The following PBX1 variants were observed in gnomAD, a reference collection of about 807,000 sequenced individuals.
PBX1 encodes PBX homeobox 1.
In PBX1, 6 loss-of-function variants were observed where a neutral mutation model predicts 53.4. The ratio of observed to expected loss-of-function variants is 0.11; its 90% confidence interval spans 0.06 to 0.22. PBX1 has a LOEUF of 0.22. PBX1 is among the 10% of genes least tolerant of loss of function. The pLI is 1.00. For synonymous variants in PBX1, 204 were observed against 212.3 expected (o/e 0.96, Z 0.34); for missense variants, 251 against 551.4 (o/e 0.46, Z 5.46).
chr1:164,625,602 C>T (rs1657982255), intron 2 of PBX1, among the ~76,000 whole-genome samples: 1 of 151,976 alleles, frequency 6.6e-6, no homozygotes, highest in African/African-American at 2.4e-5. Context: ...ATAAGCGAGC[C>T]AGTGGAAAAA....
At chr1:164,884,473 A>T (rs952646743) in intron 2 of PBX1, 1 of 454,286 alleles carries the variant, frequency 2.2e-6, no homozygotes, top group African/African-American at 2.0e-5. Flanking sequence ...GATAGCAGTC[A>T]TGATGAAAGA....
intron 2 of PBX1, among the ~76,000 whole-genome samples, chr1:164,869,939 G>A (rs1281742368): frequency 6.6e-6 from 1 of 152,188 alleles, no homozygotes; most frequent in Non-Finnish European, 1.5e-5. Context: ...GAACGGCATG[G>A]AGGCCAGCAA....
chr1:164,700,537 G>C (rs765059563), intron 2 of PBX1: 11 of 985,374 alleles, frequency 1.1e-5, no homozygotes, highest in Non-Finnish European at 1.3e-5. Flanking sequence ...CCACTGACCA[G>C]AATGTGGTGG....
intron 2 of PBX1, among the ~76,000 whole-genome samples, chr1:164,627,163 G>T (rs1658100503): frequency 6.6e-6 from 1 of 152,098 alleles, no homozygotes; most frequent in Admixed American, 6.6e-5. Flanking sequence ...TGTACTTGGA[G>T]CATTTGTCCT....
chr1:164,577,635 T>G (rs1394758899), intron 2 of PBX1, among the ~76,000 whole-genome samples: 1 of 152,242 alleles, frequency 6.6e-6, no homozygotes, highest in African/African-American at 2.4e-5. Flanking sequence ...TGCTTATTAT[T>G]GCTCTGTTAC....
chr1:164,595,461 A>C (rs1026068959), intron 2 of PBX1, among the ~76,000 whole-genome samples: 5 of 151,700 alleles, frequency 3.3e-5, no homozygotes, highest in Non-Finnish European at 7.4e-5. Flanking sequence ...GTTGTAATGG[A>C]AAACAAGGTC....
rs1303560499 is a variant in PBX1 at position 164,559,241 on chromosome 1, A to G, written c.-582A>G. 1.1e-5 allele frequency: 2 copies of G among 183,692 alleles called. No homozygotes were observed. The highest frequency in any genetic ancestry group is 2.4e-5 in the African/African-American group (1 of 41,932). The allele number at this position is 183,692 out of a possible 1,614,324, so 11.4% of individuals were successfully genotyped here. On this transcript the variant is annotated 5_prime_UTR_variant, in exon 1 of 9. Coordinates refer to ENST00000420696, the MANE Select transcript of PBX1 (RefSeq NM_002585.4). ...AGTTTGCAGAGACACGGAGGAGGAG[A>G]GAGCCTGTGCTTTGCCTGCCGCCGC... is the stretch of plus-strand genomic sequence containing the variant.
intron 5 of PBX1, 133 bp downstream of exon 5, chr1:164,807,810 G>GT: frequency 1.1e-5 from 11 of 1,043,432 alleles, no homozygotes; most frequent in African/African-American, 1.6e-5. Context: ...AAAATATCAA[G>GT]GTAAGCACTT....
At chr1:164,884,639 G>A (rs889460383) in intron 2 of PBX1, 2 of 453,960 alleles carry the variant, frequency 4.4e-6, no homozygotes, top group South Asian at 1.9e-5. Context: ...CTGAAAAGTG[G>A]CCTCTCTTCC....
At chr1:164,766,738 A>ATTTTTTT (rs35564181) in intron 2 of PBX1, among the ~76,000 whole-genome samples, 1 of 69,192 alleles carries the variant, frequency 1.4e-5, no homozygotes, top group Non-Finnish European at 3.6e-5. Context: ...TTATTTATTT[A>ATTTTTTT]TTTTTTTTTT....
intron 3 of PBX1, among the ~76,000 whole-genome samples, chr1:164,796,306 C>T (rs530913054): frequency 3.3e-5 from 5 of 152,192 alleles, no homozygotes; most frequent in Admixed American, 6.5e-5. Context: ...CCGTGCCTGG[C>T]GCTATAAGGT....
chr1:164,561,349 A>G (rs1653027432), intron 1 of PBX1, among the ~76,000 whole-genome samples: 1 of 152,236 alleles, frequency 6.6e-6, no homozygotes, highest in Non-Finnish European at 1.5e-5. Context: ...CACATGCAAC[A>G]TGTAAACTCA....
chr1:164,770,230 A>G (rs1014575301), intron 2 of PBX1: 2 of 152,212 alleles, frequency 1.3e-5, no homozygotes, highest in African/African-American at 2.4e-5. Context: ...TCCGTGTCTT[A>G]GCCCTCCCAG....
Position 164,846,700 on chromosome 1 carries a change from T to A in PBX1, c.*24T>A, listed in dbSNP as rs142359401. The A allele has an allele frequency of 1.9e-6, 3 of 1,614,072 alleles. No individual in the cohort carries two copies. The highest frequency in any genetic ancestry group is 2.5e-6 in the Non-Finnish European group (3 of 1,179,962). The stretch of plus-strand genomic sequence containing the variant: ...GATCTCCCAGCAATCGCATCCCGGC[T>A]GACCCTGTGCCCCAGTTGGGGCAGG... On this transcript the variant is annotated 3_prime_UTR_variant, in exon 9 of 9. Coordinates refer to ENST00000420696, the MANE Select transcript of PBX1 (RefSeq NM_002585.4).
intron 2 of PBX1, among the ~76,000 whole-genome samples, chr1:164,574,479 A>G (rs1041107577): frequency 1.1e-4 from 16 of 152,188 alleles, no homozygotes; most frequent in Admixed American, 3.9e-4. Context: ...TCCCTGCCAA[A>G]GCTTAGATTC....
intron 2 of PBX1, among the ~76,000 whole-genome samples, chr1:164,722,907 A>AT (rs1295019733): frequency 6.6e-6 from 1 of 152,094 alleles, no homozygotes; most frequent in Non-Finnish European, 1.5e-5. Flanking sequence ...TACATGTATG[A>AT]TTTTTTAGTA....
rs1258254026 is a variant in PBX1 at position 164,851,182 on chromosome 1, G to C, written c.*4506G>C. 2.3e-5 allele frequency: 5 copies of C among 214,676 alleles called. No homozygotes were observed. The South Asian group carries it at 5.6e-4, about 24-fold the overall frequency. The allele number at this position is 214,676 out of a possible 1,614,324, so 13.3% of individuals were successfully genotyped here. On this transcript the variant is annotated 3_prime_UTR_variant, in exon 9 of 9. Coordinates refer to ENST00000420696, the MANE Select transcript of PBX1 (RefSeq NM_002585.4). Reference sequence around the variant, plus strand: ...CTGCTTAAAGCAAATTGCAAAACTGGCTTGATTTGGAATGTTTTTATTAGA... The same window carrying C: ...CTGCTTAAAGCAAATTGCAAAACTGCCTTGATTTGGAATGTTTTTATTAGA...
At chr1:164,754,564 G>C (rs1211732787) in intron 2 of PBX1, among the ~76,000 whole-genome samples, 1 of 152,212 alleles carries the variant, frequency 6.6e-6, no homozygotes, top group African/African-American at 2.4e-5. Context: ...CTGTTGCATT[G>C]CAGGGACTGA....
At chr1:164,734,160 C>T (rs1343904170) in intron 2 of PBX1, among the ~76,000 whole-genome samples, 3 of 152,122 alleles carry the variant, frequency 2.0e-5, no homozygotes, top group Admixed American at 6.6e-5. Flanking sequence ...ATTTCAAATA[C>T]GTTGGATCCT....
Sources: gnomAD v4.1 joint callset for allele counts (sites outside exome capture counted in the v4.1 genomes callset) on GRCh38, gnomAD v4.1.1 for gene constraint, MANE v1.5 for transcripts, NCBI Gene and HGNC (gene_info 2026-07-23, HGNC 2026-07-21) for gene names.